The following YWHAQ variants were observed in gnomAD, a reference collection of about 807,000 sequenced individuals.
YWHAQ encodes the protein 14-3-3 protein theta.
YWHAQ carries 6 observed loss-of-function variants against 28.3 expected under a neutral mutation model. That is an observed-to-expected ratio of 0.21 (90% confidence interval 0.12 to 0.42). YWHAQ has a LOEUF of 0.42. Ranked by LOEUF, YWHAQ falls within the 10% of genes least tolerant of loss-of-function variation. The pLI is 1.00. For missense variants in YWHAQ, 201 were observed against 305.6 expected, an observed-to-expected ratio of 0.66 and a Z score of 2.55; for synonymous variants, 143 against 119.1, an observed-to-expected ratio of 1.20 and a Z score of -1.31.
chr2:9,630,267 G>A lies in YWHAQ; in HGVS notation c.186C>T (p.Ile62=), dbSNP rs768534041. ...TGTCGGTCTTCTGCTCGATGCTAGA[G>A]ATGACCCTCCAGGCGGACCTGCGGC... is the stretch of plus-strand genomic sequence containing the variant. ...VGGRRSAWRV[I]SSIEQKTDTS... Residue 62 remains isoleucine, a synonymous_variant, in exon 2 of 6, where the codon ATC becomes ATT. Transcript: ENST00000238081. This position sits in a 1 kb window ranked among gnomAD's most constrained non-coding sequence, Gnocchi z 5.6. 4.3e-6 allele frequency: 7 copies of A among 1,614,168 alleles called. No homozygotes were observed. The East Asian group carries it at 1.1e-4, about 26-fold the overall frequency.
chr2:9,591,700 T>C (rs1301946438), intron 2 of YWHAQ, among the ~76,000 whole-genome samples, 185 bp from the exon 3 acceptor site: 1 of 152,228 alleles, frequency 6.6e-6, no homozygotes, highest in Non-Finnish European at 1.5e-5. Context: ...CTAGTTGCCC[T>C]GGGAGGCTTT....
At chr2:9,603,388 G>A (rs1375652163) in intron 2 of YWHAQ, among the ~76,000 whole-genome samples, 1 of 151,120 alleles carries the variant, frequency 6.6e-6, no homozygotes, top group Non-Finnish European at 1.5e-5. Flanking sequence ...TTGAGCCTCA[G>A]CCTCCCGAGT....
chr2:9,589,686 C>G (rs3791748), intron 3 of YWHAQ, among the ~76,000 whole-genome samples: 90,121 of 152,020 alleles, frequency 0.59, 28,998 homozygotes, highest in African/African-American at 0.81. Context: ...TTCTGATTTG[C>G]AGAAATACTG....
At chr2:9,608,120 T>G (rs1472679976) in intron 2 of YWHAQ, among the ~76,000 whole-genome samples, 1 of 152,164 alleles carries the variant, frequency 6.6e-6, no homozygotes, top group Admixed American at 6.5e-5. Flanking sequence ...TTAAAATAGA[T>G]TCACAGAAAC....
intron 2 of YWHAQ, among the ~76,000 whole-genome samples, chr2:9,597,396 C>A (rs1666593191): frequency 6.6e-6 from 1 of 152,134 alleles, no homozygotes; most frequent in African/African-American, 2.4e-5. Flanking sequence ...GCCTATAATG[C>A]CAGCACTTTG....
At chr2:9,598,191 C>G (rs1461645230) in intron 2 of YWHAQ, among the ~76,000 whole-genome samples, 1 of 152,052 alleles carries the variant, frequency 6.6e-6, no homozygotes, top group Non-Finnish European at 1.5e-5. Context: ...TAGCGGACAC[C>G]ACACAGAAGA....
chr2:9,613,619 A>G (rs1192091789), intron 2 of YWHAQ, among the ~76,000 whole-genome samples: 1 of 152,214 alleles, frequency 6.6e-6, no homozygotes, highest in East Asian at 1.9e-4. Context: ...TATCTCCATG[A>G]CCCAAATATT....
At chr2:9,608,875 G>A (rs1005045261) in intron 2 of YWHAQ, among the ~76,000 whole-genome samples, 1 of 152,088 alleles carries the variant, frequency 6.6e-6, no homozygotes, top group African/African-American at 2.4e-5. Context: ...AGGAGGTACA[G>A]GTTTGCAGTG....
intron 2 of YWHAQ, among the ~76,000 whole-genome samples, chr2:9,594,329 A>G (rs1666525019): frequency 1.3e-5 from 2 of 152,144 alleles, no homozygotes; most frequent in Admixed American, 6.5e-5. Context: ...TTTTTCCTCT[A>G]TTACCATTTT....
At position 9,630,237 on chromosome 2, in the gene YWHAQ, G is replaced by A; in HGVS notation, c.216C>T (p.Ser72=). ...ISSIEQKTDT[S]DKKLQLIKDY... is the part of the protein sequence containing the mutation. ...CCTTAATCAGCTGCAACTTCTTGTC[G>A]GAGGTGTCGGTCTTCTGCTCGATGC... The change falls in exon 2 of 6, where the codon TCC becomes TCT. Residue 72 remains serine (S), a synonymous_variant. Transcript: ENST00000238081. The surrounding 1 kb of genome is among the most constrained non-coding windows in gnomAD (Gnocchi z 5.6). 1 of 1,614,118 alleles carries A rather than the reference G, an allele frequency of 6.2e-7. No individual in the cohort carries two copies. The highest frequency in any genetic ancestry group is 8.5e-7 in the Non-Finnish European group (1 of 1,180,038).
intron 2 of YWHAQ, among the ~76,000 whole-genome samples, chr2:9,610,448 A>C (rs1312906074): frequency 1.3e-5 from 2 of 152,132 alleles, no homozygotes; most frequent in African/African-American, 2.4e-5. Flanking sequence ...TCTTTCTCTT[A>C]CATACCATAC....
intron 2 of YWHAQ, among the ~76,000 whole-genome samples, chr2:9,626,138 G>A (rs940483431): frequency 4.6e-5 from 7 of 152,108 alleles, no homozygotes; most frequent in African/African-American, 1.4e-4. Context: ...TAAAAATTGC[G>A]ATATGCACTT....
intron 2 of YWHAQ, among the ~76,000 whole-genome samples, chr2:9,596,725 C>T (rs1223574629): frequency 1.3e-5 from 2 of 151,840 alleles, no homozygotes; most frequent in African/African-American, 2.4e-5. Context: ...CCCTTGAGAC[C>T]GAGTCTCACT....
chr2:9,629,639 T>TCCTCTCCTG (rs750177584), intron 2 of YWHAQ, among the ~76,000 whole-genome samples: 1 of 151,920 alleles, frequency 6.6e-6, no homozygotes, highest in Non-Finnish European at 1.5e-5. Flanking sequence ...TCCTCTCCTG[T>TCCTCTCCTG]TTATGGGGGG....
chr2:9,629,651 G>T (rs755717192), intron 2 of YWHAQ, among the ~76,000 whole-genome samples: 3 of 151,856 alleles, frequency 2.0e-5, no homozygotes, highest in Non-Finnish European at 4.4e-5. Context: ...TATGGGGGGT[G>T]GGGGGGAGCA....
At position 9,584,506 on chromosome 2, in the gene YWHAQ, G is replaced by T. The variant is rs1218936581; in HGVS notation, c.*780C>A. The T allele has an allele frequency of 6.6e-6, 1 of 152,634 alleles. No individual in the cohort carries two copies. The highest frequency in any genetic ancestry group is 1.5e-5 in the Non-Finnish European group (1 of 68,046). The allele number at this position is 152,634 out of a possible 1,614,324, so 9.5% of individuals were successfully genotyped here. On this transcript the variant is annotated 3_prime_UTR_variant, in exon 6 of 6. Transcript: ENST00000238081. Reference sequence around the variant, plus strand: ...CTTTAATTTATTTCCCCTTTCTAGTGTATTAAGAAATGACATGCACTTTAA... The same window carrying T: ...CTTTAATTTATTTCCCCTTTCTAGTTTATTAAGAAATGACATGCACTTTAA...
intron 2 of YWHAQ, among the ~76,000 whole-genome samples, chr2:9,609,124 C>T (rs1666894339): frequency 1.3e-5 from 2 of 152,066 alleles, no homozygotes; most frequent in South Asian, 2.1e-4. Context: ...AGGCTGGATA[C>T]ATAGGGTTAC....
chr2:9,599,510 C>G (rs1414730319), intron 2 of YWHAQ, among the ~76,000 whole-genome samples: 1 of 152,094 alleles, frequency 6.6e-6, no homozygotes, highest in African/African-American at 2.4e-5. Flanking sequence ...AAGATGAAGC[C>G]AATGCTCATT....
chr2:9,606,940 A>C (rs1666842806), intron 2 of YWHAQ, among the ~76,000 whole-genome samples: 1 of 150,242 alleles, frequency 6.7e-6, no homozygotes, highest in South Asian at 2.1e-4. Context: ...GCTGCAGTGC[A>C]GTAGCATAAT....
Sources: allele counts gnomAD v4.1 joint callset (sites outside exome capture counted in the v4.1 genomes callset), GRCh38; gene constraint gnomAD v4.1.1; non-coding constraint Gnocchi (gnomAD v3.1); transcripts MANE v1.5; gene names NCBI Gene and HGNC (gene_info 2026-07-23, HGNC 2026-07-21).